Variants in SORCS2 observed in about 807,000 individuals in gnomAD.
The protein encoded by SORCS2 is sortilin related VPS10 domain containing receptor 2, also known as VPS10 domain-containing receptor SorCS2.
A neutral mutation model predicts 141.6 loss-of-function variants in SORCS2; 100 were observed. The ratio of observed to expected loss-of-function variants is 0.71; its 90% CI spans 0.60 to 0.83. The LOEUF (loss-of-function observed/expected upper bound fraction) is 0.83. Among genes scored for constraint, SORCS2 ranks in the 40% least tolerant of loss-of-function variants. The pLI is 0.00. For missense variants in SORCS2, 1,646 were observed against 1,560.2 expected (o/e 1.05, Z -0.93); for synonymous variants, 789 against 676.9 (o/e 1.17, Z -2.57).
At chr4:7,475,554 T>C (rs1730240419) in intron 2 of SORCS2, among the ~76,000 whole-genome samples, 1 of 152,178 alleles carries the variant, frequency 6.6e-6, no homozygotes, top group African/African-American at 2.4e-5. Context: ...GCCCCCCTCC[T>C]GCCACTTGTC....
rs371450500 is a variant in SORCS2 at position 7,466,848 on chromosome 4, T to G, written c.549-64682T>G. 7.8e-3 allele frequency among the ~76,000 whole-genome samples: 1,187 copies of G among 152,314 alleles called. 8 individuals are homozygous for G. Among genetic ancestry groups the G allele is most frequent in the Middle Eastern group, 0.027 (8 of 294 alleles). ...CACTTGGGAGGTCCTGGAACCTGGT[T>G]GGACGCTGTCACTTGACCTCTATTT... On this transcript the variant is annotated intron_variant, in intron 2 of 26. Transcript: ENST00000507866.
At chr4:7,583,757 T>C (rs918479648) in intron 3 of SORCS2, among the ~76,000 whole-genome samples, 1 of 152,208 alleles carries the variant, frequency 6.6e-6, no homozygotes, top group African/African-American at 2.4e-5. Context: ...AAACCTCTTT[T>C]TCTTTATAAA....
intron 9 of SORCS2, among the ~76,000 whole-genome samples, chr4:7,678,418 T>C (rs1723304241): frequency 6.7e-6 from 1 of 148,888 alleles, no homozygotes; most frequent in Non-Finnish European, 1.5e-5. Context: ...AGCTGGTGGT[T>C]ACAAGCACAA....
chr4:7,331,002 T>C (rs890517209), intron 1 of SORCS2, among the ~76,000 whole-genome samples: 3 of 150,674 alleles, frequency 2.0e-5, no homozygotes, highest in African/African-American at 7.3e-5. Flanking sequence ...AGGCTGGGGG[T>C]GAGAAGATCC....
chr4:7,545,349 A>T (rs1713174147), intron 3 of SORCS2, among the ~76,000 whole-genome samples: 2 of 152,180 alleles, frequency 1.3e-5, no homozygotes, highest in Admixed American at 1.3e-4. Context: ...GAGGTCGGGG[A>T]GCTCCAGGCC....
chr4:7,403,995 ATATT>A (rs1312544079), intron 2 of SORCS2, among the ~76,000 whole-genome samples: 105 of 9,540 alleles, frequency 0.011, 4 homozygotes, highest in African/African-American at 0.022. Context: ...ATATATATAT[ATATT>A]TTTTTTTTTT....
chr4:7,228,144 G>C (rs1439696270), intron 1 of SORCS2, among the ~76,000 whole-genome samples: 1 of 152,180 alleles, frequency 6.6e-6, no homozygotes, highest in East Asian at 1.9e-4. Context: ...GGCAGGGTTG[G>C]TTTTCTTCCG....
At chr4:7,433,650 CA>C in intron 2 of SORCS2, 4 of 1,610,104 alleles carry the variant, frequency 2.5e-6, no homozygotes, top group South Asian at 1.1e-5. Flanking sequence ...TCTTGCTCTC[CA>C]AGTTGTGGGA....
chr4:7,546,588 C>G (rs764437117), intron 3 of SORCS2, among the ~76,000 whole-genome samples: 2 of 151,936 alleles, frequency 1.3e-5, no homozygotes, highest in East Asian at 1.9e-4. Flanking sequence ...AGGGAACCCA[C>G]GTGTGCAGGG....
intron 1 of SORCS2, among the ~76,000 whole-genome samples, chr4:7,311,480 A>C (rs754868259): frequency 6.6e-6 from 1 of 152,194 alleles, no homozygotes; most frequent in East Asian, 1.9e-4. Flanking sequence ...TAGGTTTTTC[A>C]AAGACTGCCA....
chr4:7,585,867 C>T (rs1160871220), intron 3 of SORCS2, among the ~76,000 whole-genome samples: 4 of 152,242 alleles, frequency 2.6e-5, no homozygotes, highest in African/African-American at 7.2e-5. Context: ...ATTTCTGAGT[C>T]ATCTCTCTTC....
chr4:7,589,099 G>T (rs1171931564), intron 3 of SORCS2, among the ~76,000 whole-genome samples: 1 of 152,160 alleles, frequency 6.6e-6, no homozygotes, highest in African/African-American at 2.4e-5. Context: ...GGGGCGAAGG[G>T]GTTCAGCAGG....
intron 1 of SORCS2, among the ~76,000 whole-genome samples, chr4:7,259,762 G>A (rs930022941): frequency 3.3e-5 from 5 of 152,334 alleles, no homozygotes; most frequent in Admixed American, 1.3e-4. Flanking sequence ...CATGCCCTTG[G>A]GGTTCACAGC....
intron 3 of SORCS2, among the ~76,000 whole-genome samples, chr4:7,596,826 C>T (rs192646859): frequency 7.2e-4 from 109 of 152,164 alleles, no homozygotes; most frequent in African/African-American, 2.6e-3. Context: ...TTGGACTGCT[C>T]AGGCCACGCA....
At chr4:7,581,068 C>A (rs1258275082) in intron 3 of SORCS2, among the ~76,000 whole-genome samples, 4 of 150,288 alleles carry the variant, frequency 2.7e-5, no homozygotes, top group African/African-American at 9.8e-5. Flanking sequence ...GGTGGTTTGC[C>A]CAAGATTATG....
intron 1 of SORCS2, among the ~76,000 whole-genome samples, chr4:7,364,228 G>T (rs547629703): frequency 6.6e-6 from 1 of 152,196 alleles, no homozygotes; most frequent in Non-Finnish European, 1.5e-5. Flanking sequence ...GGTCTTGTTG[G>T]CAGTAGGTAC....
At chr4:7,714,680 C>T (rs965846329) in intron 16 of SORCS2, among the ~76,000 whole-genome samples, 2 of 152,188 alleles carry the variant, frequency 1.3e-5, no homozygotes, top group African/African-American at 4.8e-5. Flanking sequence ...CTGCACCCAC[C>T]CCAGCCCTTC....
chr4:7,220,246 G>A (rs541694646), intron 1 of SORCS2, among the ~76,000 whole-genome samples: 3 of 152,064 alleles, frequency 2.0e-5, no homozygotes, highest in Admixed American at 6.5e-5. Flanking sequence ...CTGGCCTCCC[G>A]AGGCATTAAC....
intron 17 of SORCS2, among the ~76,000 whole-genome samples, chr4:7,717,505 C>T (rs866855806): frequency 9.2e-5 from 14 of 152,320 alleles, no homozygotes; most frequent in African/African-American, 2.2e-4. Flanking sequence ...TGATTAGTCA[C>T]GAATCGCCCA....
Sources: allele counts gnomAD v4.1 joint callset (sites outside exome capture counted in the v4.1 genomes callset), GRCh38; gene constraint gnomAD v4.1.1; transcripts MANE v1.5; gene names NCBI Gene and HGNC (gene_info 2026-07-23, HGNC 2026-07-21).